SPG7: variants seen among roughly 807,000 people sequenced by gnomAD.
The protein encoded by SPG7 is SPG7 matrix AAA peptidase subunit, paraplegin, also known as mitochondrial inner membrane m-AAA protease component paraplegin.
A neutral mutation model predicts 81.9 loss-of-function variants in SPG7; 103 were observed. That is an observed-to-expected ratio of 1.26 (90% CI 1.07 to 1.48). The LOEUF is 1.48. SPG7 is among the 40% of genes most tolerant of loss of function. The pLI is 0.00. For synonymous variants in SPG7, 534 were observed against 444.2 expected, an observed-to-expected ratio of 1.20 and a Z score of -2.54; for missense variants, 1,241 against 1,087.3, an observed-to-expected ratio of 1.14 and a Z score of -1.99.
intron 10 of SPG7, chr16:89,546,342 C>T: frequency 2.8e-6 from 1 of 362,992 alleles, no homozygotes; most frequent in Non-Finnish European, 5.4e-6. Context: ...CAGGTGTGAG[C>T]CACCGGGCCC....
At position 89,509,815 on chromosome 16, in the gene SPG7, A is replaced by G. The variant is rs576960614; in HGVS notation, c.184-675A>G. Among the ~76,000 whole-genome samples the G allele has an allele frequency of 5.7e-3, 733 of 128,456 alleles. 5 individuals are homozygous for G. Among genetic ancestry groups the G allele is most frequent in the African/African-American group, 0.02 (697 of 34,166 alleles). The allele number at this position is 128,456 out of a possible 152,430, so 84.3% of individuals were successfully genotyped here. A position where few individuals can be genotyped will look rare whatever the true frequency, so the allele number is the denominator to read the frequency against. ...TTTTTTTTTTTTTTTTTTTGTGACAATCTCGCTGTGTCGCCCAGGCTGGAG... is the reference window on the plus strand; with the variant it reads ...TTTTTTTTTTTTTTTTTTTGTGACAGTCTCGCTGTGTCGCCCAGGCTGGAG... On this transcript the variant is annotated intron_variant, in intron 1 of 16. Coordinates refer to ENST00000645818, the MANE Select transcript of SPG7 (RefSeq NM_003119.4).
At chr16:89,539,357 G>A (rs1319195886) in intron 9 of SPG7, 1 of 151,996 alleles carries the variant, frequency 6.6e-6, no homozygotes, top group African/African-American at 2.4e-5. Flanking sequence ...AAATTAGCCG[G>A]GTGTGGTGGC....
chr16:89,508,400 C>G (rs2152392799), upstream of SPG7: 3 of 1,471,776 alleles, frequency 2.0e-6, no homozygotes, highest in African/African-American at 2.9e-5. Context: ...ATCACGCAGG[C>G]GCGGCTTTCA....
In SPG7 at chr16:89,512,949, T is replaced by A. The variant is rs2058041135; in HGVS notation, c.288T>A (p.Gly96=). The part of the protein sequence containing the change: ...QNPVRLWQLL[G]GTFYFNTSRL... ...AAATCCTTTCTCTATTTCTCATAGG[T>A]GGTACTTTCTATTTTAACACCTCAA... Residue 96 remains glycine, a splice_region_variant and synonymous_variant, in exon 3 of 17, where the codon GGT becomes GGA. Coordinates refer to ENST00000645818, the MANE Select transcript of SPG7 (RefSeq NM_003119.4). The A allele has an allele frequency of 6.2e-7, 1 of 1,613,202 alleles. No homozygotes were observed.
chr16:89,554,985 G>C (rs984325299), intron 16 of SPG7: 4 of 208,772 alleles, frequency 1.9e-5, no homozygotes, highest in African/African-American at 7.2e-5. Flanking sequence ...GCGACATCTT[G>C]GCTCACTGCA....
chr16:89,537,211 C>T (rs2058437452), intron 9 of SPG7: 1 of 1,428,770 alleles, frequency 7.0e-7, no homozygotes, highest in South Asian at 1.5e-5. Context: ...GGGGAAATCT[C>T]ACTGGGGAAG....
chr16:89,544,590 G>A, intron 9 of SPG7, 58 bp from the exon 10 acceptor site: 1 of 1,608,130 alleles, frequency 6.2e-7, no homozygotes, highest in Non-Finnish European at 8.5e-7. Context: ...ACCTGCAGGG[G>A]AAATCTGTTG....
At chr16:89,511,770 G>A (rs1173658633) in intron 2 of SPG7, among the ~76,000 whole-genome samples, 1 of 152,114 alleles carries the variant, frequency 6.6e-6, no homozygotes, top group Non-Finnish European at 1.5e-5. Flanking sequence ...GTCTTGCCCT[G>A]TTGCCCAGGT....
intron 9 of SPG7, chr16:89,537,488 G>A (rs1303233406): frequency 3.2e-5 from 32 of 1,001,352 alleles, no homozygotes; most frequent in Admixed American, 5.4e-5. Context: ...GGCCCCTGAC[G>A]TGCAGCCACA....
intron 13 of SPG7, chr16:89,551,267 C>T (rs2058631694): frequency 5.9e-6 from 1 of 170,020 alleles, no homozygotes; most frequent in Admixed American, 5.4e-5. Flanking sequence ...GTTTGAGGCT[C>T]ACCTGAGAAG....
At chr16:89,537,404 AG>A (rs1312435449) in intron 9 of SPG7, 41 of 1,059,138 alleles carry the variant, frequency 3.9e-5, no homozygotes, top group Non-Finnish European at 4.3e-5. Flanking sequence ...CACACGCGGG[AG>A]CTGCGGAAGC....
rs1197579407 is a variant in SPG7 at position 89,526,414 on chromosome 16, T to G, written c.704T>G (p.Ile235Ser). The G allele has an allele frequency of 6.2e-7, 1 of 1,614,178 alleles. No individual in the cohort carries two copies. The highest frequency in any genetic ancestry group is 8.5e-7 in the Non-Finnish European group (1 of 1,180,034). Reference sequence around the variant, plus strand: ...CGAGCAGCTGAAGATGAGCTGAATATCGAGGCCAAGGACAGGATCCCAGTT... The same window carrying G: ...CGAGCAGCTGAAGATGAGCTGAATAGCGAGGCCAAGGACAGGATCCCAGTT... ...KLRAAEDELN[I>S]EAKDRIPVSY... Residue 235 changes from isoleucine (I) to serine (S), a missense_variant, in exon 5 of 17, where the codon ATC becomes AGC. Ile to Ser is a moderately radical substitution (Grantham distance 142). Coordinates refer to ENST00000645818, the MANE Select transcript of SPG7 (RefSeq NM_003119.4).
chr16:89,546,833 C>T (rs751268706), intron 11 of SPG7, 73 bp downstream of exon 11: 6 of 966,336 alleles, frequency 6.2e-6, no homozygotes, highest in Non-Finnish European at 1.0e-5. Context: ...CAAACAGCAT[C>T]GAGGCCTCCT....
chr16:89,546,120 T>G (rs1440063401), intron 10 of SPG7: 4 of 290,364 alleles, frequency 1.4e-5, no homozygotes, highest in Middle Eastern at 1.3e-3. Context: ...ACAGTCTCAC[T>G]CTATCCCCCA....
At chr16:89,529,676 T>C (rs2058314841) in intron 6 of SPG7, 97 bp downstream of exon 6, 2 of 921,296 alleles carry the variant, frequency 2.2e-6, no homozygotes, top group Non-Finnish European at 1.7e-6. Flanking sequence ...AGGGAAAACC[T>C]GTTGCAGAGA....
chr16:89,511,499 G>A (rs920876634), intron 2 of SPG7, among the ~76,000 whole-genome samples: 14 of 152,208 alleles, frequency 9.2e-5, no homozygotes, highest in Admixed American at 4.6e-4. Flanking sequence ...CATGGGTAGG[G>A]AGAGTGCCGT....
intron 2 of SPG7, among the ~76,000 whole-genome samples, chr16:89,511,682 G>A (rs962223752): frequency 6.6e-6 from 1 of 151,940 alleles, no homozygotes; most frequent in Non-Finnish European, 1.5e-5. Context: ...ATGTCTTTGT[G>A]AAGAAAGTTA....
chr16:89,515,709 A>T (rs1487802827), intron 3 of SPG7, among the ~76,000 whole-genome samples: 25 of 143,512 alleles, frequency 1.7e-4, no homozygotes, highest in African/African-American at 7.0e-4. Flanking sequence ...TACTATTATT[A>T]TTATTATTTT....
chr16:89,550,412 A>G, intron 12 of SPG7, 82 bp from the exon 13 acceptor site: 1 of 939,824 alleles, frequency 1.1e-6, no homozygotes, highest in Non-Finnish European at 1.7e-6. Flanking sequence ...TCCTCAGGTC[A>G]TCCGCCCGCC....
Sources: allele counts gnomAD v4.1 joint callset (sites outside exome capture counted in the v4.1 genomes callset), GRCh38; gene constraint gnomAD v4.1.1; transcripts MANE v1.5; gene names NCBI Gene and HGNC (gene_info 2026-07-23, HGNC 2026-07-21).